CADM2: variants seen among roughly 807,000 people sequenced by gnomAD.
The protein encoded by CADM2 is immunoglobulin superfamily member 4D.
A neutral mutation model predicts 49.8 loss-of-function variants in CADM2; 12 were observed. The observed-to-expected ratio is 0.24, with a 90% CI of 0.15 to 0.39. The LOEUF is 0.39. CADM2 is among the 10% of genes least tolerant of loss of function. The probability of loss-of-function intolerance (pLI) is 1.00; values close to 1 mark genes in which losing one functional copy is unlikely to be tolerated. For synonymous variants in CADM2, 214 were observed against 175.4 expected, an observed-to-expected ratio of 1.22 and a Z score of -1.74; for missense variants, 378 against 492.3, an observed-to-expected ratio of 0.77 and a Z score of 2.20.
At chr3:85,635,061 A>G (rs1025362615) in intron 1 of CADM2, among the ~76,000 whole-genome samples, 4 of 152,128 alleles carry the variant, frequency 2.6e-5, no homozygotes, top group African/African-American at 9.6e-5. Context: ...TACTCGTCAC[A>G]TATTAAAGGC....
At chr3:85,494,353 A>C (rs548593663) in intron 1 of CADM2, among the ~76,000 whole-genome samples, 1 of 152,178 alleles carries the variant, frequency 6.6e-6, no homozygotes, top group African/African-American at 2.4e-5. Flanking sequence ...TATGCCAATT[A>C]TTATTTTACT....
intron 1 of CADM2, among the ~76,000 whole-genome samples, chr3:85,226,707 T>C (rs1309282162): frequency 2.0e-5 from 3 of 152,156 alleles, no homozygotes; most frequent in Non-Finnish European, 4.4e-5. Context: ...CTAGTTCTTT[T>C]AATTTTGATG....
Position 85,802,190 on chromosome 3 carries a change from A to T in CADM2, c.232A>T (p.Lys78Ter). Residue 78 changes from lysine (K) to a stop codon, truncating the protein, a stop_gained, in exon 3 of 10, where the codon AAG becomes TAG. Coordinates refer to ENST00000383699, the MANE Select transcript of CADM2 (RefSeq NM_001167675.2). LOFTEE classifies it high-confidence loss of function. ...TCAACAGACTCTGTACTTTGACGAC[A>T]AGAAAGGTGAATACATTTTCTTTCA... ...PAQQTLYFDD[K>*]KALRDNRIEL... 6.2e-7 allele frequency: 1 copy of T among 1,607,884 alleles called. No homozygotes were observed. The highest frequency in any genetic ancestry group is 8.5e-7 in the Non-Finnish European group (1 of 1,177,294).
rs575533701 is a variant in CADM2 at position 85,878,805 on chromosome 3, C to T, written c.239-4486C>T. ...ATATAGGTTCCAAAATACAGTCTGG[C>T]TAAAATAGAGTTAAATTCCTTTTGT... On this transcript the variant is annotated intron_variant, in intron 3 of 9. Transcript: ENST00000383699. Among the ~76,000 whole-genome samples the T allele has an allele frequency of 1.3e-4, 20 of 152,130 alleles. No homozygotes were observed. The South Asian group carries it at 3.9e-3, about 30-fold the overall frequency.
chr3:85,135,041 G>A (rs951635262), intron 1 of CADM2, among the ~76,000 whole-genome samples: 4 of 151,760 alleles, frequency 2.6e-5, no homozygotes, highest in East Asian at 1.9e-4. Flanking sequence ...AACAAAAAAA[G>A]CAATGTCTCT....
At chr3:85,777,244 A>AATTATTATTATTATTATTATTATT (rs71112117) in intron 2 of CADM2, among the ~76,000 whole-genome samples, 380 of 148,754 alleles carry the variant, frequency 2.6e-3, no homozygotes, top group Non-Finnish European at 3.6e-3. Flanking sequence ...GTTTTTAAAA[A>AATTATTATTATTATTATTATTATT]ATTATTATTA....
intron 1 of CADM2, among the ~76,000 whole-genome samples, chr3:85,080,463 G>A (rs1027522260): frequency 1.6e-4 from 24 of 151,964 alleles, no homozygotes; most frequent in African/African-American, 5.6e-4. Context: ...TCCTTCAATT[G>A]TCATAGACAT....
intron 1 of CADM2, among the ~76,000 whole-genome samples, chr3:85,315,522 T>TA (rs1445548817): frequency 6.6e-6 from 1 of 152,144 alleles, no homozygotes; most frequent in African/African-American, 2.4e-5. Context: ...TGGTAATAGT[T>TA]AGAGTGTAGC....
intron 1 of CADM2, among the ~76,000 whole-genome samples, chr3:85,284,074 CA>C (rs2043568612): frequency 6.6e-6 from 1 of 152,076 alleles, no homozygotes; most frequent in Admixed American, 6.6e-5. Flanking sequence ...AGGTTGTTTG[CA>C]ATGAATATTT....
rs568733744 is a variant in CADM2, at chr3:85,626,457, G to A, written c.62-100065G>A. 3.0e-3 allele frequency among the ~76,000 whole-genome samples: 459 copies of A among 151,842 alleles called. 1 individual carries two copies. The highest frequency in any genetic ancestry group is 6.9e-3 in the South Asian group (33 of 4,806). ...TTATCTTTCTTTTTCTCAAAAAAAA[G>A]GCATCTATGACTGAGTTATGTCTTC... On this transcript the variant is annotated intron_variant, in intron 1 of 9. Transcript: ENST00000383699.
At chr3:85,551,308 C>T (rs1455812856) in intron 1 of CADM2, among the ~76,000 whole-genome samples, 1 of 152,148 alleles carries the variant, frequency 6.6e-6, no homozygotes, top group Non-Finnish European at 1.5e-5. Flanking sequence ...AGCAATCCTT[C>T]AGCAATTCTG....
At position 85,864,275 on chromosome 3, in the gene CADM2, C is replaced by A. The variant is rs953595943; in HGVS notation, c.239-19016C>A. ...ATTACTTTTTCTGTAATTATAAACA[C>A]CTTGCATTACTGGACTAAACCCAAA... is the stretch of plus-strand genomic sequence containing the variant. On this transcript the variant is annotated intron_variant, in intron 3 of 9. Transcript: ENST00000383699. Among the ~76,000 whole-genome samples, 4 of 152,164 alleles carry A rather than the reference C, an allele frequency of 2.6e-5. No individual in the cohort carries two copies. In the South Asian group the frequency reaches 8.3e-4, roughly 31 times the overall value.
At chr3:85,452,572 A>T (rs1186501449) in intron 1 of CADM2, among the ~76,000 whole-genome samples, 1 of 152,128 alleles carries the variant, frequency 6.6e-6, no homozygotes, top group African/African-American at 2.4e-5. Context: ...AACAACAACA[A>T]CAACAACAAA....
At chr3:85,739,132 A>C (rs1559624344) in intron 2 of CADM2, among the ~76,000 whole-genome samples, 1 of 152,124 alleles carries the variant, frequency 6.6e-6, no homozygotes, top group Non-Finnish European at 1.5e-5. Context: ...TTCCTAAAAC[A>C]TAATGGAAAG....
intron 1 of CADM2, among the ~76,000 whole-genome samples, chr3:85,533,375 CTA>C (rs1405400748): frequency 2.0e-5 from 3 of 152,248 alleles, no homozygotes; most frequent in Admixed American, 6.5e-5. Context: ...ATATGTGAAA[CTA>C]TTATGCATAC....
chr3:84,985,332 A>C (rs2107154047), intron 1 of CADM2, among the ~76,000 whole-genome samples: 1 of 152,288 alleles, frequency 6.6e-6, no homozygotes, highest in Non-Finnish European at 1.5e-5. Flanking sequence ...AATCAGACTT[A>C]TGAATTATCA....
chr3:85,558,238 T>C (rs771503086), intron 1 of CADM2, among the ~76,000 whole-genome samples: 2 of 151,908 alleles, frequency 1.3e-5, no homozygotes, highest in Non-Finnish European at 2.9e-5. Context: ...TTATAAGAAA[T>C]ATAAGTAAAT....
intron 1 of CADM2, among the ~76,000 whole-genome samples, chr3:85,396,116 A>G (rs982892693): frequency 3.3e-5 from 5 of 151,454 alleles, no homozygotes; most frequent in Non-Finnish European, 7.4e-5. Flanking sequence ...GTTTCAAAAT[A>G]AATTTTCCTT....
chr3:85,791,194 C>T (rs1007242600), intron 2 of CADM2, among the ~76,000 whole-genome samples: 4 of 152,162 alleles, frequency 2.6e-5, no homozygotes, highest in Non-Finnish European at 5.9e-5. Flanking sequence ...TCCTATCTCA[C>T]ATGATAGAGC....
Sources: allele counts gnomAD v4.1 joint callset (sites outside exome capture counted in the v4.1 genomes callset), GRCh38; gene constraint gnomAD v4.1.1; transcripts MANE v1.5; gene names NCBI Gene and HGNC (gene_info 2026-07-23, HGNC 2026-07-21).